The following FLYWCH1 variants were observed in gnomAD, a reference collection of about 807,000 sequenced individuals.
FLYWCH1 encodes the protein FLYWCH-type zinc finger 1.
In FLYWCH1, 75 loss-of-function variants were observed where a neutral mutation model predicts 66.4. The ratio of observed to expected loss-of-function variants is 1.13; its 90% CI spans 0.94 to 1.37. The LOEUF is 1.37. FLYWCH1 is among the 40% of genes most tolerant of loss of function. The pLI, the probability that FLYWCH1 is intolerant of heterozygous loss-of-function variation, is 0.00. For missense variants in FLYWCH1, 1,334 were observed against 1,001.8 expected (o/e 1.33, Z -4.48); for synonymous variants, 595 against 429.9 (o/e 1.38, Z -4.75).
In FLYWCH1 at chr16:2,938,737, C is replaced by T. The variant is rs1219900980; in HGVS notation, c.2050+281C>T. ...ACACCATTCTCCTGCCTCAGCCTCC[C>T]GAGTAGCTGGGACTACAGGTGCCTG... On this transcript the variant is annotated intron_variant, in intron 8 of 9. Transcript: ENST00000253928. Among the ~76,000 whole-genome samples, 9 of 141,906 alleles carry T rather than the reference C, an allele frequency of 6.3e-5. No individual in the cohort carries two copies. The Middle Eastern group carries it at 0.018, about 284-fold the overall frequency. The allele number at this position is 141,906 out of a possible 152,430, so 93.1% of individuals were successfully genotyped here.
rs200537126 is a variant in FLYWCH1, at chr16:2,925,412, TCACCCGGTCC to T, written c.-73-4185_-73-4176del. On this transcript the variant is annotated intron_variant, in intron 2 of 9. Coordinates refer to ENST00000253928, the MANE Select transcript of FLYWCH1 (RefSeq NM_001308068.2). ...CATCCTCATCCTTCCTGGTTTAGCCTCACCCGGTCCCACCCGGTCCCACCCAGTGCCATTC... is the reference window on the plus strand; with the variant it reads ...CATCCTCATCCTTCCTGGTTTAGCCTCACCCGGTCCCACCCAGTGCCATTC... Among the ~76,000 whole-genome samples, 1,170 of 151,950 alleles carry T rather than the reference TCACCCGGTCC, an allele frequency of 7.7e-3. 4 individuals carry two copies. The highest frequency in any genetic ancestry group is 0.017 in the Middle Eastern group (5 of 294).
rs550042547 is a variant in FLYWCH1 at position 2,933,366 on chromosome 16, G to C, written c.1033G>C (p.Glu345Gln). The C allele has an allele frequency of 1.4e-5, 23 of 1,603,902 alleles. No individual in the cohort carries two copies. In the South Asian group the frequency reaches 2.6e-4, roughly 18 times the overall value. The change falls in exon 5 of 10, where the codon GAG (glutamate) becomes CAG (glutamine). Residue 345 changes from glutamate (E) to glutamine (Q), a missense_variant. Glu to Gln is a conservative substitution (Grantham distance 29, BLOSUM62 2). Coordinates refer to ENST00000253928, the MANE Select transcript of FLYWCH1 (RefSeq NM_001308068.2). Reference protein sequence around the residue: ...MEGLEARRQQEKAVETLQAGQ... With the variant: ...MEGLEARRQQQKAVETLQAGQ... ...GGGCCTGGAAGCCCGGCGGCAGCAG[G>C]AGAAGGCCGTGGAGACGCTGCAGGC...
intron 9 of FLYWCH1, among the ~76,000 whole-genome samples, chr16:2,947,763 CAAAAA>C (rs552849157): frequency 7.9e-6 from 1 of 126,340 alleles, no homozygotes; most frequent in Non-Finnish European, 1.7e-5. Context: ...ACTCTTATCT[CAAAAA>C]AAAAAAAAAA....
At chr16:2,940,472 G>A (rs887190976) in intron 9 of FLYWCH1, among the ~76,000 whole-genome samples, 2 of 152,222 alleles carry the variant, frequency 1.3e-5, no homozygotes, top group South Asian at 4.1e-4. Flanking sequence ...GAGTCTGTGT[G>A]TGGCCCAGGC....
chr16:2,937,268 C>G lies in FLYWCH1; in HGVS notation c.1661C>G (p.Thr554Ser). The G allele has an allele frequency of 6.2e-7, 1 of 1,606,924 alleles. No homozygotes were observed. Among genetic ancestry groups the G allele is most frequent in the Non-Finnish European group, 8.5e-7 (1 of 1,177,798 alleles). The change falls in exon 7 of 10, where the codon ACC (threonine) becomes AGC (serine). Residue 554 changes from threonine to serine, a missense_variant. Thr to Ser is a moderately conservative substitution (Grantham distance 58). Coordinates refer to ENST00000253928, the MANE Select transcript of FLYWCH1 (RefSeq NM_001308068.2). The part of the protein sequence containing the change: ...ARMGCRSRAI[T>S]QGRRVMVMRR... ...ATGGGCTGCCGCAGCCGCGCCATCA[C>G]CCAGGGCCGGCGGGTCATGGTCATG...
chr16:2,942,222 C>T (rs1415325908), intron 9 of FLYWCH1, among the ~76,000 whole-genome samples: 4 of 152,004 alleles, frequency 2.6e-5, no homozygotes, highest in Admixed American at 6.6e-5. Context: ...TTCTGACACC[C>T]AGGCTGGAGT....
intron 4 of FLYWCH1, among the ~76,000 whole-genome samples, 190 bp from the exon 5 acceptor site, chr16:2,932,940 C>A (rs1033642906): frequency 2.6e-5 from 4 of 151,768 alleles, no homozygotes; most frequent in Admixed American, 6.6e-5. Flanking sequence ...AGACTCTCCT[C>A]CGGGTCGCTT....
Position 2,950,781 on chromosome 16 carries a change from G to A in FLYWCH1, c.*2054G>A, listed in dbSNP as rs1196910220. The A allele has an allele frequency of 6.6e-6, 1 of 152,314 alleles. No individual in the cohort carries two copies. The highest frequency in any genetic ancestry group is 1.5e-5 in the Non-Finnish European group (1 of 68,076). The allele number at this position is 152,314 out of a possible 1,614,324, so 9.4% of individuals were successfully genotyped here. A position where few individuals can be genotyped will look rare whatever the true frequency, so the allele number is the denominator to read the frequency against. On this transcript the variant is annotated 3_prime_UTR_variant, in exon 10 of 10. Coordinates refer to ENST00000253928, the MANE Select transcript of FLYWCH1 (RefSeq NM_001308068.2). The stretch of plus-strand genomic sequence containing the variant: ...ACGCCTGCTTTGACCTTAGAAGACA[G>A]ACGGCAGCTCGCGTTGCTGGGCTGA...
chr16:2,937,413 T>C, intron 7 of FLYWCH1, 29 bp downstream of exon 7: 1 of 1,505,226 alleles, frequency 6.6e-7, no homozygotes, highest in Non-Finnish European at 8.8e-7. Flanking sequence ...GGGCTGGGTC[T>C]GCCTGGTCTC....
Position 2,929,738 on chromosome 16 carries a change from A to G in FLYWCH1, c.53A>G (p.Gln18Arg), listed in dbSNP as rs1378034164. The G allele has an allele frequency of 6.2e-7, 1 of 1,613,692 alleles. No individual in the cohort carries two copies. The highest frequency in any genetic ancestry group is 1.1e-5 in the South Asian group (1 of 91,066). The change falls in exon 3 of 10, where the codon CAG becomes CGG. Residue 18 changes from glutamine to arginine, a missense_variant. Gln to Arg is a conservative substitution (Grantham distance 43). Coordinates refer to ENST00000253928, the MANE Select transcript of FLYWCH1 (RefSeq NM_001308068.2). ...EQEGESVKAGQEPSPKPGTDV... is the reference protein window; with the variant it reads ...EQEGESVKAGREPSPKPGTDV... The stretch of plus-strand genomic sequence containing the variant: ...GAGGGCGAGAGTGTGAAGGCCGGCC[A>G]GGAGCCATCCCCCAAGCCAGGCACG...
intron 9 of FLYWCH1, among the ~76,000 whole-genome samples, chr16:2,945,136 G>A (rs1472343807): frequency 1.3e-5 from 2 of 150,552 alleles, no homozygotes; most frequent in Non-Finnish European, 3.0e-5. Context: ...GATCACTTGA[G>A]GTCAGGAGTT....
intron 4 of FLYWCH1, 146 bp downstream of exon 4, chr16:2,931,026 C>T (rs567743569): frequency 3.3e-5 from 24 of 721,468 alleles, no homozygotes; most frequent in South Asian, 1.1e-4. Context: ...TAAATGTGGC[C>T]GGGCACAGTG....
rs764530508 is a variant in FLYWCH1 at position 2,930,842 on chromosome 16, T to C, written c.758T>C (p.Leu253Pro). Residue 253 changes from leucine (L) to proline (P), a missense_variant, in exon 4 of 10, where the codon CTG becomes CCG. Physicochemically the swap from Leu to Pro is moderately conservative, Grantham distance 98 (BLOSUM62 -3). Coordinates refer to ENST00000253928, the MANE Select transcript of FLYWCH1 (RefSeq NM_001308068.2). Reference protein sequence around the residue: ...EEEAPRALSLLSLPPKKRSIL... With the variant: ...EEEAPRALSLPSLPPKKRSIL... ...GAGGCACCCCGAGCCCTGTCACTGC[T>C]GAGCCTGCCGCCCAAGAAGCGCTCG... The C allele has an allele frequency of 5.6e-6, 9 of 1,602,310 alleles. No individual in the cohort carries two copies. The South Asian group carries it at 7.8e-5, about 14-fold the overall frequency.
intron 2 of FLYWCH1, among the ~76,000 whole-genome samples, chr16:2,918,466 G>T (rs1379132049): frequency 7.2e-6 from 1 of 139,636 alleles, no homozygotes; most frequent in Admixed American, 7.3e-5. Context: ...TTGAGAGGGA[G>T]TTTTGCTCTT....
intron 2 of FLYWCH1, 97 bp from the exon 3 acceptor site, chr16:2,929,516 A>T: frequency 2.4e-6 from 2 of 829,200 alleles, no homozygotes; most frequent in African/African-American, 1.7e-5. Flanking sequence ...CCCAGCGAGC[A>T]GTGAGGCAGC....
chr16:2,924,507 A>G (rs2070488143), intron 2 of FLYWCH1, among the ~76,000 whole-genome samples: 1 of 152,048 alleles, frequency 6.6e-6, no homozygotes, highest in African/African-American at 2.4e-5. Flanking sequence ...CATCTAAGAG[A>G]CTGCTGGGCT....
In FLYWCH1 at chr16:2,933,928, G is replaced by T; in HGVS notation, c.1462G>T (p.Ala488Ser). The T allele has an allele frequency of 6.4e-7, 1 of 1,569,250 alleles. No individual in the cohort carries two copies. The highest frequency in any genetic ancestry group is 8.6e-7 in the Non-Finnish European group (1 of 1,157,382). The change falls in exon 6 of 10, where the codon GCC becomes TCC. Residue 488 changes from alanine to serine, a missense_variant. Coordinates refer to ENST00000253928, the MANE Select transcript of FLYWCH1 (RefSeq NM_001308068.2). The part of the protein sequence containing the change: ...CHPPDLGGLE[A>S]LRQREKRPNT... Reference sequence around the variant, plus strand: ...CCCGCCCGACCTGGGAGGCCTGGAGGCCCTGAGGCAGCGGGAGAAACGCCC... The same window carrying T: ...CCCGCCCGACCTGGGAGGCCTGGAGTCCCTGAGGCAGCGGGAGAAACGCCC...
chr16:2,928,673 T>C (rs1246349612), intron 2 of FLYWCH1, among the ~76,000 whole-genome samples: 1 of 151,972 alleles, frequency 6.6e-6, no homozygotes, highest in Non-Finnish European at 1.5e-5. Context: ...TATGTCTTCC[T>C]TTCCTACATA....
chr16:2,939,987 C>T (rs1321025152), intron 8 of FLYWCH1, 45 bp from the exon 9 acceptor site: 5 of 1,556,216 alleles, frequency 3.2e-6, no homozygotes, highest in South Asian at 2.4e-5. Context: ...TCAGCTTCAA[C>T]AAGAGAAGAA....
Sources: gnomAD v4.1 joint callset for allele counts (sites outside exome capture counted in the v4.1 genomes callset) on GRCh38, gnomAD v4.1.1 for gene constraint, MANE v1.5 for transcripts, NCBI Gene and HGNC (gene_info 2026-07-23, HGNC 2026-07-21) for gene names.